Variants in ADAT1 observed in about 807,000 individuals in gnomAD.
ADAT1 encodes the protein adenosine deaminase tRNA specific 1.
ADAT1 carries 58 observed loss-of-function variants against 58.6 expected under a neutral mutation model. The observed-to-expected ratio is 0.99, with a 90% confidence interval of 0.80 to 1.23. The LOEUF is 1.23. ADAT1 is among the 50% of genes most tolerant of loss of function. ADAT1 has a pLI of 0.00. For missense variants in ADAT1, 741 were observed against 608.6 expected (o/e 1.22, Z -2.29); for synonymous variants, 254 against 220.8 (o/e 1.15, Z -1.33).
chr16:75,618,121 A>AG lies in ADAT1; in HGVS notation c.293+464_293+465insC, dbSNP rs1440110065. 5.0e-4 allele frequency among the ~76,000 whole-genome samples: 71 copies of AG among 142,592 alleles called. 9 individuals carry two copies. The highest frequency in any genetic ancestry group is 4.5e-3 in the South Asian group (19 of 4,190). The allele number at this position is 142,592 out of a possible 152,430, so 93.5% of individuals were successfully genotyped here. A position where few individuals can be genotyped will look rare whatever the true frequency, so the allele number is the denominator to read the frequency against. On this transcript the variant is annotated intron_variant, in intron 4 of 9. Transcript: ENST00000564657. The stretch of plus-strand genomic sequence containing the variant: ...TCCAAAAAAAAAAAAAAAAAAAAAA[A>AG]AAAGAGAGAACCACTAGTCTAGACC...
chr16:75,602,480 G>A (rs1435039778), intron 9 of ADAT1, among the ~76,000 whole-genome samples: 4 of 152,198 alleles, frequency 2.6e-5, no homozygotes, highest in African/African-American at 7.2e-5. Flanking sequence ...TGAACGTGAA[G>A]GGGAGTGGAG....
At chr16:75,618,119 A>AG (rs1418078666) in intron 4 of ADAT1, among the ~76,000 whole-genome samples, 6 of 149,354 alleles carry the variant, frequency 4.0e-5, no homozygotes, top group African/African-American at 1.3e-4. Flanking sequence ...AAAAAAAAAA[A>AG]AAAAAGAGAG....
Position 75,618,605 on chromosome 16 carries a change from C to T in ADAT1, c.274G>A (p.Ala92Thr). 1 of 1,610,956 alleles carries T rather than the reference C, an allele frequency of 6.2e-7. No homozygotes were observed. The highest frequency in any genetic ancestry group is 1.1e-5 in the South Asian group (1 of 90,694). The change falls in exon 4 of 10, where the codon GCC becomes ACC. Residue 92 changes from alanine to threonine, a missense_variant. Ala to Thr is a moderately conservative substitution (Grantham distance 58). Coordinates refer to ENST00000564657, the MANE Select transcript of ADAT1 (RefSeq NM_001324445.2). The part of the protein sequence containing the change: ...ILNDSHAEVI[A>T]RRSFQRYLLH... Reference sequence around the variant, plus strand: ...CTTTACCTTTGGAAACTCCTTCTGGCTATGACCTCAGCATGGCTATCATTG... The same window carrying T: ...CTTTACCTTTGGAAACTCCTTCTGGTTATGACCTCAGCATGGCTATCATTG...
rs532440996 is a variant in ADAT1, at chr16:75,612,316, T to C, written c.970A>G (p.Ile324Val). 1.9e-6 allele frequency: 3 copies of C among 1,614,182 alleles called. No homozygotes were observed. Among genetic ancestry groups the C allele is most frequent in the South Asian group, 1.1e-5 (1 of 91,086 alleles). ...ALLMHLLEEPIYLSAVVIGKC... is the reference protein window; with the variant it reads ...ALLMHLLEEPVYLSAVVIGKC... ...CCAATGACCACAGCTGACAGGTAGA[T>C]GGGCTCTTCCAGCAAGTGCATCAAC... Residue 324 changes from isoleucine to valine, a missense_variant, in exon 6 of 10, where the codon ATC becomes GTC. Transcript: ENST00000564657.
intron 9 of ADAT1, among the ~76,000 whole-genome samples, chr16:75,601,461 A>T (rs955407781): frequency 6.6e-5 from 10 of 151,648 alleles, no homozygotes; most frequent in African/African-American, 1.9e-4. Flanking sequence ...CAAACAAACA[A>T]ACAAACATAC....
At chr16:75,619,459 CCCAG>C (rs2081857352) in intron 3 of ADAT1, among the ~76,000 whole-genome samples, 1 of 151,906 alleles carries the variant, frequency 6.6e-6, no homozygotes, top group Non-Finnish European at 1.5e-5. Context: ...ATCACTTGAG[CCCAG>C]GAGTTCAAGG....
At chr16:75,617,696 A>T (rs1444270538) in intron 4 of ADAT1, among the ~76,000 whole-genome samples, 1 of 151,184 alleles carries the variant, frequency 6.6e-6, no homozygotes, top group Non-Finnish European at 1.5e-5. Flanking sequence ...CTGAGGTTCC[A>T]CCCTAGATAT....
chr16:75,600,166 G>A lies in ADAT1; in HGVS notation c.*50C>T. 1 of 1,607,790 alleles carries A rather than the reference G, an allele frequency of 6.2e-7. No homozygotes were observed. Among genetic ancestry groups the A allele is most frequent in the Non-Finnish European group, 8.5e-7 (1 of 1,175,488 alleles). On this transcript the variant is annotated 3_prime_UTR_variant, in exon 10 of 10. Coordinates refer to ENST00000564657, the MANE Select transcript of ADAT1 (RefSeq NM_001324445.2). The stretch of plus-strand genomic sequence containing the variant: ...AAGCTAAGACTTGTCCTGCGTGGAG[G>A]AAGGCAGTTCAGGATGAAGGGTCCT...
At chr16:75,606,966 G>T (rs1159716863) in intron 8 of ADAT1, among the ~76,000 whole-genome samples, 1 of 152,066 alleles carries the variant, frequency 6.6e-6, no homozygotes, top group African/African-American at 2.4e-5. Flanking sequence ...GGTGGCTCAC[G>T]CCTGTAATTC....
intron 6 of ADAT1, among the ~76,000 whole-genome samples, chr16:75,611,995 C>G (rs2081551634): frequency 6.6e-6 from 1 of 152,046 alleles, no homozygotes; most frequent in Non-Finnish European, 1.5e-5. Context: ...GAGGCGGTGG[C>G]TGCAGTGAGC....
In ADAT1 at chr16:75,605,278, A is replaced by T. The variant is rs1748931436; in HGVS notation, c.1290-2107T>A. Among the ~76,000 whole-genome samples, 4 of 151,856 alleles carry T rather than the reference A, an allele frequency of 2.6e-5. No individual in the cohort carries two copies. In the South Asian group the frequency reaches 8.3e-4, roughly 32 times the overall value. ...GCTAATTTTTGTATTTTTAGTAGAGACGGTTTCGCCATGTTGGCCACACTG... is the reference window on the plus strand; with the variant it reads ...GCTAATTTTTGTATTTTTAGTAGAGTCGGTTTCGCCATGTTGGCCACACTG... On this transcript the variant is annotated intron_variant, in intron 8 of 9. Transcript: ENST00000564657.
intron 6 of ADAT1, among the ~76,000 whole-genome samples, chr16:75,610,081 T>C (rs936575124): frequency 4.6e-5 from 7 of 152,222 alleles, no homozygotes; most frequent in African/African-American, 1.7e-4. Flanking sequence ...TTATACAATA[T>C]GTGATTTCTT....
Position 75,612,459 on chromosome 16 carries a change from G to C in ADAT1, c.827C>G (p.Ala276Gly). 1 of 1,614,184 alleles carries C rather than the reference G, an allele frequency of 6.2e-7. No individual in the cohort carries two copies. Among genetic ancestry groups the C allele is most frequent in the Non-Finnish European group, 8.5e-7 (1 of 1,180,032 alleles). ...GAGCAGCCCCACCTGGTGAAACGCA[G>C]CACCCGGCTTTCCGGAGTCTCCAGC... is the stretch of plus-strand genomic sequence containing the variant. The part of the protein sequence containing the change: ...GEAGDSGKPG[A>G]AFHQVGLLRV... The change falls in exon 6 of 10, where the codon GCT (alanine) becomes GGT (glycine). Residue 276 changes from alanine to glycine, a missense_variant. Transcript: ENST00000564657.
intron 8 of ADAT1, among the ~76,000 whole-genome samples, chr16:75,604,456 A>AAAAAATATATAT (rs1555508674): frequency 4.1e-5 from 2 of 48,786 alleles, no homozygotes; most frequent in Non-Finnish European, 6.1e-5. Context: ...AAAAAAAAAA[A>AAAAAATATATAT]ATATATATAT....
intron 8 of ADAT1, among the ~76,000 whole-genome samples, chr16:75,606,343 T>C (rs1667060298): frequency 6.6e-6 from 1 of 152,182 alleles, no homozygotes; most frequent in Non-Finnish European, 1.5e-5. Flanking sequence ...CTGGTATTCA[T>C]GCCCCTTAGC....
chr16:75,605,575 C>T (rs185885900), intron 8 of ADAT1, among the ~76,000 whole-genome samples: 4 of 152,046 alleles, frequency 2.6e-5, no homozygotes, highest in East Asian at 3.9e-4. Flanking sequence ...CAAGGTGGGT[C>T]GGCACCACTA....
chr16:75,616,099 C>T (rs1411061742), intron 5 of ADAT1, among the ~76,000 whole-genome samples: 1 of 151,854 alleles, frequency 6.6e-6, no homozygotes, highest in African/African-American at 2.4e-5. Flanking sequence ...ACTTCTGCCT[C>T]CCGGGTTCAA....
intron 6 of ADAT1, among the ~76,000 whole-genome samples, chr16:75,610,142 A>G (rs2081485058): frequency 6.6e-6 from 1 of 152,208 alleles, no homozygotes; most frequent in Non-Finnish European, 1.5e-5. Context: ...ATGTAATAGT[A>G]CTTCAGTCGT....
intron 2 of ADAT1, 43 bp from the exon 3 acceptor site, chr16:75,620,377 T>C: frequency 6.2e-7 from 1 of 1,600,352 alleles, no homozygotes; most frequent in South Asian, 1.1e-5. Flanking sequence ...AGAAACGGAA[T>C]GTTCCCCGGT....
Sources: allele counts gnomAD v4.1 joint callset (sites outside exome capture counted in the v4.1 genomes callset), GRCh38; gene constraint gnomAD v4.1.1; transcripts MANE v1.5; gene names NCBI Gene and HGNC (gene_info 2026-07-23, HGNC 2026-07-21).